CFAP92: variants seen among roughly 807,000 people sequenced by gnomAD.
CFAP92 encodes cilia and flagella associated protein 92 (putative).
Under a neutral mutation model 106.3 loss-of-function variants are expected in CFAP92, and 86 were observed. That is an observed-to-expected ratio of 0.81 (90% CI 0.68 to 0.97). CFAP92 has a LOEUF of 0.97. CFAP92 is among the 50% of genes least tolerant of loss of function. The probability of loss-of-function intolerance (pLI) is 0.00; values close to 1 mark genes in which losing one functional copy is unlikely to be tolerated. For missense variants in CFAP92, 1,204 were observed against 1,283.8 expected (o/e 0.94, Z 0.95); for synonymous variants, 477 against 506.4 (o/e 0.94, Z 0.78).
the CFAP92 span, among the ~76,000 whole-genome samples, chr3:129,025,791 C>T: frequency 6.6e-6 from 1 of 152,232 alleles, no homozygotes. Flanking sequence ...TTCTCTGTAG[C>T]CACATTTTAC....
At chr3:128,953,335 G>A (rs1273920993) in intron 9 of CFAP92, among the ~76,000 whole-genome samples, 1 of 152,046 alleles carries the variant, frequency 6.6e-6, no homozygotes, top group Non-Finnish European at 1.5e-5. Flanking sequence ...CTAACACGGT[G>A]AAACCCAGTC....
chr3:128,996,374 G>A (rs1365502595), upstream of CFAP92, among the ~76,000 whole-genome samples: 1 of 152,178 alleles, frequency 6.6e-6, no homozygotes, highest in Non-Finnish European at 1.5e-5. Context: ...ATAAATAATA[G>A]GAACGGGAGC....
chr3:128,910,760 T>C (rs1211104198), intron 15 of CFAP92: 1 of 1,614,214 alleles, frequency 6.2e-7, no homozygotes, highest in South Asian at 1.1e-5. Flanking sequence ...GCCAACACCT[T>C]CTGCGTGGAA....
rs1942781629 is a variant in CFAP92, at chr3:128,971,376, AG to A, written c.1078del (p.Leu360TrpfsTer10). Reference sequence around the variant, plus strand: ...CGTGGGGTCTGCCTCTTCTTCTGCCAGGGGCTTCTTATGTCTCCTCTGGATT... The same window carrying A: ...CGTGGGGTCTGCCTCTTCTTCTGCCAGGGCTTCTTATGTCTCCTCTGGATT... ...RKIQRRHKKP[L>X]AEEEADPTLT... On this transcript the variant is annotated frameshift_variant, in exon 8 of 16. Coordinates refer to ENST00000645291, the MANE Select transcript of CFAP92 (RefSeq NM_001394090.1). LOFTEE classifies it high-confidence loss of function. 2 of 1,613,438 alleles carry A rather than the reference AG, an allele frequency of 1.2e-6. No homozygotes were observed. The highest frequency in any genetic ancestry group is 1.3e-5 in the African/African-American group (1 of 74,916).
In CFAP92 at chr3:128,988,742, C is replaced by G; in HGVS notation, c.439G>C (p.Glu147Gln). ...CACACACGCACCTTTACTCCTGACT[C>G]CAGGAATACTTTGGCCACCATTGGA... ...LFPMVAKVFL[E>Q]SGVKTVKPWH... Residue 147 changes from glutamate (E) to glutamine (Q), a missense_variant, in exon 3 of 16, where the codon GAG becomes CAG. Glu to Gln is a conservative substitution (Grantham distance 29). Transcript: ENST00000645291. 1 of 1,613,622 alleles carries G rather than the reference C, an allele frequency of 6.2e-7. No individual in the cohort carries two copies. Among genetic ancestry groups the G allele is most frequent in the Non-Finnish European group, 8.5e-7 (1 of 1,179,872 alleles).
chr3:129,020,741 G>A, the CFAP92 span, among the ~76,000 whole-genome samples: 3 of 152,204 alleles, frequency 2.0e-5, no homozygotes. Context: ...ACAGACACAG[G>A]CCAGATGCCC....
chr3:129,024,479 C>T, the CFAP92 span, among the ~76,000 whole-genome samples: 44 of 150,816 alleles, frequency 2.9e-4, no homozygotes, highest in Admixed American at 1.5e-3. Context: ...TGCAGTGAGC[C>T]GAGATTGCAC....
At position 128,971,021 on chromosome 3, in the gene CFAP92, C is replaced by T. The variant is rs1057159347; in HGVS notation, c.1168+266G>A. The stretch of plus-strand genomic sequence containing the variant: ...TGATGACATTTAATATTCCCATAGG[C>T]TTCCTTGGATTTTGGAATCAAACAG... On this transcript the variant is annotated intron_variant, in intron 8 of 15. Transcript: ENST00000645291. The T allele has an allele frequency of 1.7e-5, 9 of 519,618 alleles. No homozygotes were observed. The Admixed American group carries it at 1.8e-4, about 10-fold the overall frequency. The allele number at this position is 519,618 out of a possible 1,614,324, so 32.2% of individuals were successfully genotyped here. A position where few individuals can be genotyped will look rare whatever the true frequency, so the allele number is the denominator to read the frequency against.
chr3:128,918,285 C>G (rs1166157386), intron 12 of CFAP92, among the ~76,000 whole-genome samples: 1 of 152,156 alleles, frequency 6.6e-6, no homozygotes, highest in Non-Finnish European at 1.5e-5. Context: ...GCTTGGCCAA[C>G]ATACAGTGAA....
At chr3:128,978,352 T>TAATTTA in intron 4 of CFAP92, 167 bp from the exon 5 acceptor site, 2 of 640,260 alleles carry the variant, frequency 3.1e-6, no homozygotes, top group Non-Finnish European at 5.2e-6. Flanking sequence ...TGCATATAAA[T>TAATTTA]TATGTTTATA....
rs775891329 is a variant in CFAP92 at position 128,945,350 on chromosome 3, C to T, written c.1979G>A (p.Arg660His). ...DPDLGGSQFG[R>H]IIFVFDFKKV... ...CTTAAAGTCAAAGACGAAGATGATG[C>T]GGCCAAACTGGGAGCCCCCAAGGTC... Residue 660 changes from arginine (R) to histidine (H), a missense_variant, in exon 10 of 16, where the codon CGC becomes CAC. Physicochemically the swap from Arg to His is conservative, Grantham distance 29. Coordinates refer to ENST00000645291, the MANE Select transcript of CFAP92 (RefSeq NM_001394090.1). 5.2e-6 allele frequency: 8 copies of T among 1,536,152 alleles called. No homozygotes were observed. In the South Asian group the frequency reaches 5.9e-5, roughly 11 times the overall value.
chr3:128,956,255 C>G (rs1305497995), intron 9 of CFAP92, among the ~76,000 whole-genome samples: 1 of 110,364 alleles, frequency 9.1e-6, no homozygotes, highest in East Asian at 3.1e-4. Flanking sequence ...AAAGAAATTA[C>G]CCAATCTGAA....
At chr3:129,021,265 A>G in the CFAP92 span, among the ~76,000 whole-genome samples, 3 of 152,346 alleles carry the variant, frequency 2.0e-5, no homozygotes, top group East Asian at 3.9e-4. Context: ...ATATATAAAC[A>G]CAGGGTTTTC....
the CFAP92 span, among the ~76,000 whole-genome samples, chr3:129,020,698 G>A: frequency 6.6e-6 from 1 of 152,170 alleles, no homozygotes; most frequent in Admixed American, 6.5e-5. Flanking sequence ...ACTTGGTAAG[G>A]CACGCTTATT....
At chr3:128,996,896 C>T (rs1290116662), upstream of CFAP92, among the ~76,000 whole-genome samples, 1 of 152,228 alleles carries the variant, frequency 6.6e-6, no homozygotes, top group Non-Finnish European at 1.5e-5. Context: ...TATGTGGTGC[C>T]TCATCTCCTC....
intron 7 of CFAP92, among the ~76,000 whole-genome samples, chr3:128,972,855 T>C (rs1173641467): frequency 3.3e-5 from 5 of 149,660 alleles, no homozygotes; most frequent in Admixed American, 1.3e-4. Flanking sequence ...AACTCAGTCC[T>C]TGAAAAAAAA....
In CFAP92 at chr3:128,945,422, A is replaced by G. The variant is rs1375171016; in HGVS notation, c.1907T>C (p.Val636Ala). The G allele has an allele frequency of 3.9e-6, 6 of 1,535,878 alleles. No individual in the cohort carries two copies. In the South Asian group the frequency reaches 5.9e-5, roughly 15 times the overall value. The change falls in exon 10 of 16, where the codon GTG (valine) becomes GCG (alanine). Residue 636 changes from valine to alanine, a missense_variant. Transcript: ENST00000645291. The part of the protein sequence containing the change: ...LEADSQLKLR[V>A]DIAVPLRAGA... ...GGCCCTCAGTGGCACCGCGATGTCC[A>G]CTCGCAACTTGAGCTGGGAGTCAGC...
the CFAP92 span, among the ~76,000 whole-genome samples, chr3:129,012,566 C>T: frequency 5.9e-5 from 9 of 152,180 alleles, no homozygotes; most frequent in Non-Finnish European, 1.3e-4. Context: ...TAGGAAAGAA[C>T]GTGGATTGGC....
At chr3:128,912,218 T>G (rs1936406680) in intron 15 of CFAP92, among the ~76,000 whole-genome samples, 1 of 152,154 alleles carries the variant, frequency 6.6e-6, no homozygotes, top group Admixed American at 6.5e-5. Flanking sequence ...TCTCCTCCAG[T>G]GGGCTGGAAT....
Sources: allele counts gnomAD v4.1 joint callset (sites outside exome capture counted in the v4.1 genomes callset), GRCh38; gene constraint gnomAD v4.1.1; transcripts MANE v1.5; gene names NCBI Gene and HGNC (gene_info 2026-07-23, HGNC 2026-07-21).